The following SPIRE1 variants were observed in gnomAD, a reference collection of about 807,000 sequenced individuals.
SPIRE1 encodes the protein spire type actin nucleation factor 1.
Under a neutral mutation model 94.1 loss-of-function variants are expected in SPIRE1, and 40 were observed. The ratio of observed to expected loss-of-function variants is 0.43; its 90% CI spans 0.33 to 0.55. The LOEUF (loss-of-function observed/expected upper bound fraction) is 0.55, where lower values mean the gene tolerates loss of function less well. SPIRE1 is among the 20% of genes least tolerant of loss of function. The pLI, the probability that SPIRE1 is intolerant of heterozygous loss-of-function variation, is 0.06. For missense variants in SPIRE1, 838 were observed against 975.2 expected (o/e 0.86, Z 1.87); for synonymous variants, 376 against 371.7 (o/e 1.01, Z -0.13).
intron 4 of SPIRE1, among the ~76,000 whole-genome samples, chr18:12,531,643 C>T (rs961440933): frequency 5.3e-5 from 8 of 152,106 alleles, no homozygotes; most frequent in Middle Eastern, 3.4e-3. Context: ...TTACAAGGAT[C>T]AAATGGAGTA....
At position 12,526,728 on chromosome 18, in the gene SPIRE1, G is replaced by T. The variant is rs565590454; in HGVS notation, c.729+8748C>A. Among the ~76,000 whole-genome samples the T allele has an allele frequency of 1.3e-4, 20 of 149,472 alleles. 1 individual carries two copies. In the South Asian group the frequency reaches 4.0e-3, roughly 30 times the overall value. ...TTTTTTTTAATTTAATTTTTTTTTTGAGAGGAGTCTCACTCACTGTCGCCA... is the reference window on the plus strand; with the variant it reads ...TTTTTTTTAATTTAATTTTTTTTTTTAGAGGAGTCTCACTCACTGTCGCCA... On this transcript the variant is annotated intron_variant, in intron 4 of 16. Transcript: ENST00000409402.
intron 9 of SPIRE1, among the ~76,000 whole-genome samples, chr18:12,481,619 AT>A (rs1196786677): frequency 6.6e-6 from 1 of 152,132 alleles, no homozygotes; most frequent in Non-Finnish European, 1.5e-5. Flanking sequence ...TTTACATAAA[AT>A]TTTTAATTGA....
intron 4 of SPIRE1, among the ~76,000 whole-genome samples, chr18:12,521,768 A>ATT (rs113799905): frequency 1.7e-4 from 25 of 149,494 alleles, no homozygotes; most frequent in South Asian, 4.2e-4. Context: ...ACAATATTCC[A>ATT]TTTTTTTTTT....
intron 4 of SPIRE1, among the ~76,000 whole-genome samples, chr18:12,523,706 T>C (rs2034426697): frequency 6.6e-6 from 1 of 152,064 alleles, no homozygotes; most frequent in African/African-American, 2.4e-5. Context: ...TTTTGAGACA[T>C]AGTCTCACTC....
chr18:12,616,977 A>G (rs1209371370), intron 2 of SPIRE1, among the ~76,000 whole-genome samples: 2 of 148,830 alleles, frequency 1.3e-5, no homozygotes, highest in South Asian at 2.1e-4. Flanking sequence ...CCCCTGCCTC[A>G]GCCTCCCAAG....
At chr18:12,581,254 C>A (rs1350101111) in intron 2 of SPIRE1, among the ~76,000 whole-genome samples, 1 of 152,164 alleles carries the variant, frequency 6.6e-6, no homozygotes, top group Non-Finnish European at 1.5e-5. Flanking sequence ...CTGTGTTAGT[C>A]ATTTCCACAG....
At chr18:12,481,020 C>A (rs952121025) in intron 9 of SPIRE1, among the ~76,000 whole-genome samples, 6 of 152,174 alleles carry the variant, frequency 3.9e-5, no homozygotes, top group South Asian at 4.2e-4. Context: ...AGCACTGTAA[C>A]TGAGGTTACT....
At chr18:12,513,253 T>A (rs2034093935) in intron 4 of SPIRE1, among the ~76,000 whole-genome samples, 1 of 152,206 alleles carries the variant, frequency 6.6e-6, no homozygotes, top group South Asian at 2.1e-4. Context: ...CTTGCAACTT[T>A]AAGAAAATCT....
At chr18:12,514,764 A>C (rs1198137825) in intron 4 of SPIRE1, among the ~76,000 whole-genome samples, 1 of 152,222 alleles carries the variant, frequency 6.6e-6, no homozygotes, top group East Asian at 1.9e-4. Flanking sequence ...TAGGAAAATA[A>C]ATCTTCAACC....
chr18:12,499,641 T>C (rs1277279489), intron 6 of SPIRE1, among the ~76,000 whole-genome samples: 1 of 152,176 alleles, frequency 6.6e-6, no homozygotes, highest in African/African-American at 2.4e-5. Flanking sequence ...TATAAGTGTC[T>C]CAGGTGAGAA....
chr18:12,520,453 A>T (rs1041106973), intron 4 of SPIRE1, among the ~76,000 whole-genome samples: 1 of 152,182 alleles, frequency 6.6e-6, no homozygotes, highest in Non-Finnish European at 1.5e-5. Flanking sequence ...CTTGTGAAAC[A>T]TTTTAACAGG....
rs559188899 is a variant in SPIRE1 at position 12,559,537 on chromosome 18, G to A, written c.373-12633C>T. On this transcript the variant is annotated intron_variant, in intron 2 of 16. Transcript: ENST00000409402. This position sits in a 1 kb window ranked among gnomAD's most constrained non-coding sequence, Gnocchi z 4.7. ...GGCCAGCCCAGAGAGGGGCTCCCAC[G>A]GTGCAGCAGCAGGCTGAAGGGCTCC... Among the ~76,000 whole-genome samples the A allele has an allele frequency of 2.6e-4, 39 of 152,330 alleles. 1 individual carries two copies. The highest frequency in any genetic ancestry group is 8.4e-4 in the African/African-American group (35 of 41,596).
At chr18:12,470,358 C>G (rs187750264) in intron 10 of SPIRE1, among the ~76,000 whole-genome samples, 1 of 152,274 alleles carries the variant, frequency 6.6e-6, no homozygotes, top group East Asian at 1.9e-4. Context: ...ATACAATATA[C>G]TGAAATGTTA....
At chr18:12,563,171 C>A (rs945957310) in intron 2 of SPIRE1, among the ~76,000 whole-genome samples, 2 of 151,536 alleles carry the variant, frequency 1.3e-5, no homozygotes, top group Non-Finnish European at 2.9e-5. Context: ...ACAGATACCC[C>A]CAACCCCGAT....
intron 6 of SPIRE1, among the ~76,000 whole-genome samples, chr18:12,497,839 G>A (rs1171363186): frequency 6.6e-6 from 1 of 152,166 alleles, no homozygotes; most frequent in Admixed American, 6.5e-5. Context: ...ATTTTCACAT[G>A]CTTTCTTTGT....
chr18:12,613,403 C>G (rs747415877), intron 2 of SPIRE1, among the ~76,000 whole-genome samples: 1 of 152,158 alleles, frequency 6.6e-6, no homozygotes, highest in Non-Finnish European at 1.5e-5. Context: ...AAAGACAATT[C>G]AAGACCAAAA....
intron 10 of SPIRE1, among the ~76,000 whole-genome samples, chr18:12,476,564 A>T (rs4797690): frequency 0.014 from 980 of 69,696 alleles, 22 homozygotes; most frequent in African/African-American, 0.057. Context: ...AAAAAAAAAA[A>T]ATATATATAT....
intron 10 of SPIRE1, among the ~76,000 whole-genome samples, chr18:12,477,299 C>T (rs779393689): frequency 6.6e-6 from 1 of 152,058 alleles, no homozygotes; most frequent in Admixed American, 6.6e-5. Flanking sequence ...TCTGTGTAGC[C>T]GTGGTCACAG....
intron 2 of SPIRE1, among the ~76,000 whole-genome samples, chr18:12,628,848 T>C (rs2037702122): frequency 1.3e-5 from 2 of 149,530 alleles, no homozygotes; most frequent in Non-Finnish European, 2.9e-5. Flanking sequence ...TGGCTCTCTG[T>C]CTGTTATTAG....
Sources: allele counts gnomAD v4.1 joint callset (sites outside exome capture counted in the v4.1 genomes callset), GRCh38; gene constraint gnomAD v4.1.1; non-coding constraint Gnocchi (gnomAD v3.1); transcripts MANE v1.5; gene names NCBI Gene and HGNC (gene_info 2026-07-23, HGNC 2026-07-21).